PACSIN2: variants seen among roughly 807,000 people sequenced by gnomAD.
PACSIN2 encodes the protein protein kinase C and casein kinase substrate in neurons protein 2.
Under a neutral mutation model 63.8 loss-of-function variants are expected in PACSIN2, and 25 were observed. The ratio of observed to expected loss-of-function variants is 0.39; its 90% confidence interval spans 0.29 to 0.55. The LOEUF (loss-of-function observed/expected upper bound fraction) is 0.55, where lower values mean the gene tolerates loss of function less well. PACSIN2 is among the 20% of genes least tolerant of loss of function. PACSIN2 has a pLI of 0.62. For synonymous variants in PACSIN2, 255 were observed against 256.2 expected (o/e 1.00, Z 0.05); for missense variants, 518 against 646.9 (o/e 0.80, Z 2.16).
chr22:42,884,640 G>A, intron 5 of PACSIN2, 79 bp from the exon 6 acceptor site: 1 of 1,166,226 alleles, frequency 8.6e-7, no homozygotes, highest in Non-Finnish European at 1.2e-6. Context: ...AGTGTCTCAG[G>A]CCTTCCCAGA....
At chr22:42,965,985 T>G (rs963720484) in intron 1 of PACSIN2, among the ~76,000 whole-genome samples, 3 of 152,206 alleles carry the variant, frequency 2.0e-5, no homozygotes, top group Non-Finnish European at 4.4e-5. Flanking sequence ...GTCAATCTTT[T>G]TCATATTTTT....
At position 42,879,786 on chromosome 22, in the gene PACSIN2, G is replaced by T. The variant is rs976296452; in HGVS notation, c.907-617C>A. On this transcript the variant is annotated intron_variant, in intron 7 of 10. Coordinates refer to ENST00000263246, the MANE Select transcript of PACSIN2 (RefSeq NM_001184970.3). The stretch of plus-strand genomic sequence containing the variant: ...AATAAAGCCACTGCAAATAAAACCA[G>T]GGCTAGGTGGCTACCCGCTGACAGA... Among the ~76,000 whole-genome samples, 7 of 152,334 alleles carry T rather than the reference G, an allele frequency of 4.6e-5. No individual in the cohort carries two copies. The East Asian group carries it at 1.4e-3, about 29-fold the overall frequency.
At chr22:42,896,619 T>A (rs1434495736) in intron 2 of PACSIN2, among the ~76,000 whole-genome samples, 1 of 152,212 alleles carries the variant, frequency 6.6e-6, no homozygotes, top group African/African-American at 2.4e-5. Context: ...TGTGGGGACA[T>A]AAGCTTCCAT....
At chr22:42,918,416 A>G (rs1202405709) in intron 1 of PACSIN2, among the ~76,000 whole-genome samples, 1 of 152,242 alleles carries the variant, frequency 6.6e-6, no homozygotes, top group East Asian at 1.9e-4. Flanking sequence ...CCAAGCAGCT[A>G]CCAGCTACTC....
At chr22:42,984,913 C>A in intron 1 of PACSIN2, among the ~76,000 whole-genome samples, 1 of 152,090 alleles carries the variant, frequency 6.6e-6, no homozygotes, top group East Asian at 1.9e-4. Context: ...AAAAGTAGGC[C>A]CCACCCCTAG....
In PACSIN2 at chr22:42,971,612, C is replaced by CTGG. The variant is rs1921277718; in HGVS notation, c.-78+43408_-78+43409insCCA. 2.6e-5 allele frequency among the ~76,000 whole-genome samples: 4 copies of CTGG among 151,966 alleles called. 1 individual carries two copies. In the East Asian group the frequency reaches 5.9e-4, roughly 23 times the overall value. On this transcript the variant is annotated intron_variant, in intron 1 of 10. Transcript: ENST00000263246. ...TCTGGGAAGTGAGGAGTGTCTCTGC[C>CTGG]CAACCGCCACCATGTCTGGGAAGTG...
At chr22:42,964,858 T>C (rs1920940020) in intron 1 of PACSIN2, among the ~76,000 whole-genome samples, 1 of 149,982 alleles carries the variant, frequency 6.7e-6, no homozygotes, top group South Asian at 2.1e-4. Context: ...ACTAGAATAG[T>C]GTTGTTCTGA....
At chr22:42,963,361 A>C (rs983309558) in intron 1 of PACSIN2, among the ~76,000 whole-genome samples, 10 of 152,234 alleles carry the variant, frequency 6.6e-5, no homozygotes, top group Admixed American at 6.5e-5. Flanking sequence ...ACTAAAGACC[A>C]GCAGCGCCAC....
chr22:42,931,251 A>T (rs1932772081), intron 1 of PACSIN2, among the ~76,000 whole-genome samples: 1 of 152,016 alleles, frequency 6.6e-6, no homozygotes, highest in Non-Finnish European at 1.5e-5. Context: ...CCTTGCTGCA[A>T]ACCAGCTGGG....
chr22:42,917,476 A>G (rs1340457371), intron 1 of PACSIN2, among the ~76,000 whole-genome samples: 3 of 152,066 alleles, frequency 2.0e-5, no homozygotes, highest in Non-Finnish European at 4.4e-5. Flanking sequence ...TTAGCCAAGC[A>G]TGGTGGCACG....
chr22:42,967,780 T>C lies in PACSIN2; in HGVS notation c.-78+47241A>G, dbSNP rs548691973. On this transcript the variant is annotated intron_variant, in intron 1 of 10. Transcript: ENST00000263246. The stretch of plus-strand genomic sequence containing the variant: ...GTGGGCGCCTGTAGTCCCAGCTACT[T>C]GGGAGGCTGAGGCAGGAGAATGGCA... 1.1e-3 allele frequency among the ~76,000 whole-genome samples: 168 copies of C among 151,946 alleles called. 1 individual carries two copies. The highest frequency in any genetic ancestry group is 3.7e-3 in the African/African-American group (152 of 41,438).
chr22:42,896,491 T>C (rs1261297564), intron 2 of PACSIN2, among the ~76,000 whole-genome samples: 1 of 152,194 alleles, frequency 6.6e-6, no homozygotes, highest in Non-Finnish European at 1.5e-5. Flanking sequence ...AGTATTCGAT[T>C]GGGTAGTTAT....
At chr22:42,898,262 A>G (rs1242111989) in intron 2 of PACSIN2, among the ~76,000 whole-genome samples, 1 of 146,034 alleles carries the variant, frequency 6.8e-6, no homozygotes, top group Non-Finnish European at 1.5e-5. Flanking sequence ...TGGGAAAGAG[A>G]ACCTCCTTCC....
chr22:42,900,324 C>CCACA (rs1930591455), intron 2 of PACSIN2, among the ~76,000 whole-genome samples: 1 of 152,170 alleles, frequency 6.6e-6, no homozygotes, highest in African/African-American at 2.4e-5. Context: ...CCAAAAGGTG[C>CCACA]CACACACTGA....
At chr22:42,914,420 G>A (rs536984834) in intron 1 of PACSIN2, among the ~76,000 whole-genome samples, 47 of 152,182 alleles carry the variant, frequency 3.1e-4, no homozygotes, top group Non-Finnish European at 5.9e-4. Flanking sequence ...TTTTAGTAGA[G>A]ATGGGGTTTC....
rs56162477 is a variant in PACSIN2 at position 42,974,657 on chromosome 22, C to T, written c.-78+40364G>A. ...CCAGCTACTCGGGTGGCTGAGGCAC[C>T]GTAACTGCTTAAACCTGGGAGGTGG... On this transcript the variant is annotated intron_variant, in intron 1 of 10. Transcript: ENST00000263246. 1.2e-4 allele frequency among the ~76,000 whole-genome samples: 18 copies of T among 149,498 alleles called. No individual in the cohort carries two copies. The Middle Eastern group carries it at 0.01, about 85-fold the overall frequency.
rs139288927 is a variant in PACSIN2 at position 42,882,174 on chromosome 22, C to T, written c.906+10G>A. 1.3e-3 allele frequency: 2,117 copies of T among 1,613,950 alleles called. 27 individuals carry two copies. The highest frequency in any genetic ancestry group is 1.6e-3 in the East Asian group (73 of 44,880). ...AGGCTGATGAGCTCATGGGCACACC[C>T]TCCTCTTACCTCAAACTGCGGCCAG... On this transcript the variant is annotated intron_variant, in intron 7 of 10. Transcript: ENST00000263246.
At chr22:42,991,118 C>A (rs901573059) in intron 1 of PACSIN2, among the ~76,000 whole-genome samples, 3 of 152,168 alleles carry the variant, frequency 2.0e-5, no homozygotes, top group Non-Finnish European at 4.4e-5. Context: ...GAACACACTG[C>A]CCCCAGATCA....
At chr22:42,914,652 C>T (rs893746178) in intron 1 of PACSIN2, among the ~76,000 whole-genome samples, 2 of 152,194 alleles carry the variant, frequency 1.3e-5, no homozygotes, top group Admixed American at 1.3e-4. Flanking sequence ...AATAGCAGGG[C>T]TTTGGGCTCA....
Sources: gnomAD v4.1 joint callset for allele counts (sites outside exome capture counted in the v4.1 genomes callset) on GRCh38, gnomAD v4.1.1 for gene constraint, MANE v1.5 for transcripts, NCBI Gene and HGNC (gene_info 2026-07-23, HGNC 2026-07-21) for gene names.